C5: variants seen among roughly 807,000 people sequenced by gnomAD.
C5 encodes the protein complement C5, also known as C3 and PZP-like alpha-2-macroglobulin domain-containing protein 4.
A neutral mutation model predicts 218.8 loss-of-function variants in C5; 140 were observed. That is an observed-to-expected ratio of 0.64 (90% confidence interval 0.56 to 0.74). C5 has a LOEUF of 0.74. Among genes scored for constraint, C5 ranks in the 30% least tolerant of loss-of-function variants. The probability of loss-of-function intolerance (pLI) is 0.00; values close to 1 mark genes in which losing one functional copy is unlikely to be tolerated. For missense variants in C5, 1,700 were observed against 1,969.6 expected (o/e 0.86, Z 2.59); for synonymous variants, 614 against 682.3 (o/e 0.90, Z 1.56).
intron 5 of C5, among the ~76,000 whole-genome samples, chr9:121,033,704 C>T (rs1443656532): frequency 1.3e-5 from 2 of 152,196 alleles, no homozygotes; most frequent in African/African-American, 4.8e-5. Context: ...TTAAAACCTC[C>T]AAATTCAATT....
At chr9:120,991,161 G>T in intron 23 of C5, 30 bp downstream of exon 23, 1 of 1,256,322 alleles carries the variant, frequency 8.0e-7, no homozygotes, top group Non-Finnish European at 1.2e-6. Flanking sequence ...CAAGTGAAAT[G>T]AGAAATAAAA....
At chr9:121,034,045 C>T (rs986218412) in intron 5 of C5, among the ~76,000 whole-genome samples, 3 of 151,978 alleles carry the variant, frequency 2.0e-5, no homozygotes, top group Middle Eastern at 3.2e-3. Context: ...CTCAGCCTCC[C>T]GAGTAGCTGG....
At chr9:121,001,841 C>A (rs1360804798) in intron 20 of C5, among the ~76,000 whole-genome samples, 1 of 152,054 alleles carries the variant, frequency 6.6e-6, no homozygotes, top group Non-Finnish European at 1.5e-5. Context: ...TGCCCTTTAG[C>A]CCAGTTAGTT....
chr9:121,055,427 A>G, the C5 span, among the ~76,000 whole-genome samples: 2 of 152,158 alleles, frequency 1.3e-5, no homozygotes, highest in South Asian at 4.2e-4. Flanking sequence ...AGGAGTATGT[A>G]TGTCACTCCT....
chr9:120,963,066 T>C (rs2131670170), intron 34 of C5, 99 bp from the exon 35 acceptor site: 1 of 936,960 alleles, frequency 1.1e-6, no homozygotes, highest in African/African-American at 1.6e-5. Flanking sequence ...GGATGTGATC[T>C]GTAATTCAAA....
chr9:121,056,466 CAAA>C, the C5 span, among the ~76,000 whole-genome samples: 17 of 152,100 alleles, frequency 1.1e-4, no homozygotes, highest in African/African-American at 3.9e-4. Flanking sequence ...ATTACTAAGA[CAAA>C]GAAGTGTATG....
At chr9:120,963,569 T>G in intron 34 of C5, 67 bp downstream of exon 34, 1 of 1,145,682 alleles carries the variant, frequency 8.7e-7, no homozygotes, top group Admixed American at 1.8e-5. Context: ...GAAAGTAAAA[T>G]TGTCTATAAA....
intron 38 of C5, among the ~76,000 whole-genome samples, chr9:120,958,827 C>T (rs932061313): frequency 1.2e-4 from 19 of 152,074 alleles, no homozygotes; most frequent in African/African-American, 4.1e-4. Context: ...GACAGGGTCT[C>T]ACTCTGTCAC....
the C5 span, among the ~76,000 whole-genome samples, chr9:121,067,782 C>T: frequency 6.6e-6 from 1 of 151,942 alleles, no homozygotes; most frequent in Non-Finnish European, 1.5e-5. Flanking sequence ...AATAGTGTGG[C>T]ACTTCCCCTC....
the C5 span, among the ~76,000 whole-genome samples, chr9:121,073,097 C>G: frequency 1.3e-5 from 2 of 152,130 alleles, no homozygotes. Flanking sequence ...AGAGGTGAAG[C>G]CATCTCTGCC....
intron 38 of C5, 96 bp from the exon 39 acceptor site, chr9:120,957,464 G>A (rs1431130412): frequency 1.1e-5 from 10 of 893,552 alleles, no homozygotes; most frequent in Non-Finnish European, 1.9e-5. Flanking sequence ...GAGAAATGAA[G>A]CATGGCAAAC....
At chr9:120,978,665 C>G (rs1264438953) in intron 28 of C5, among the ~76,000 whole-genome samples, 1 of 152,200 alleles carries the variant, frequency 6.6e-6, no homozygotes, top group Non-Finnish European at 1.5e-5. Context: ...GAAGAGGACT[C>G]CAAAGTGCCC....
chr9:120,972,170 AT>A (rs1028627604), intron 30 of C5, among the ~76,000 whole-genome samples, 178 bp from the exon 31 acceptor site: 20 of 152,138 alleles, frequency 1.3e-4, no homozygotes, highest in Non-Finnish European at 2.9e-4. Flanking sequence ...CAAGGCTGGT[AT>A]TTCCCCTTTC....
chr9:121,005,809 G>A (rs983429316), intron 20 of C5, 110 bp downstream of exon 20: 2 of 1,076,686 alleles, frequency 1.9e-6, no homozygotes, highest in African/African-American at 3.1e-5. Flanking sequence ...GGTTTCTATT[G>A]CTGAACTGAG....
At chr9:120,998,675 G>A (rs2047137442) in intron 20 of C5, among the ~76,000 whole-genome samples, 1 of 152,162 alleles carries the variant, frequency 6.6e-6, no homozygotes, top group African/African-American at 2.4e-5. Context: ...TTATTAACTG[G>A]TGATGGAAAC....
chr9:121,073,925 G>A, the C5 span, among the ~76,000 whole-genome samples: 1 of 152,296 alleles, frequency 6.6e-6, no homozygotes, highest in African/African-American at 2.4e-5. Flanking sequence ...GTTTCTAAAA[G>A]TGTTATACAG....
At chr9:120,956,892 G>A in intron 39 of C5, 1 of 281,056 alleles carries the variant, frequency 3.6e-6, no homozygotes, top group Middle Eastern at 1.3e-3. Flanking sequence ...GGTAGAGGGT[G>A]AGGATTGAAA....
chr9:121,048,443 T>A (rs1349495376), intron 1 of C5, among the ~76,000 whole-genome samples: 4 of 152,258 alleles, frequency 2.6e-5, no homozygotes, highest in Non-Finnish European at 5.9e-5. Flanking sequence ...GGATCTAGAT[T>A]GCAAGCTCCT....
In C5 at chr9:120,980,064, T is replaced by C. The variant is rs763643786; in HGVS notation, c.3658+19A>G. ...TCTTAGTGAACACTCACTGAATACA[T>C]GTATGGAACAAGTTATACCTTTAAC... is the stretch of plus-strand genomic sequence containing the variant. On this transcript the variant is annotated intron_variant, in intron 28 of 40. Coordinates refer to ENST00000223642, the MANE Select transcript of C5 (RefSeq NM_001735.3). 1.9e-6 allele frequency: 3 copies of C among 1,611,648 alleles called. No individual in the cohort carries two copies. The highest frequency in any genetic ancestry group is 2.5e-6 in the Non-Finnish European group (3 of 1,177,800).
Sources: allele counts gnomAD v4.1 joint callset (sites outside exome capture counted in the v4.1 genomes callset), GRCh38; gene constraint gnomAD v4.1.1; transcripts MANE v1.5; gene names NCBI Gene and HGNC (gene_info 2026-07-23, HGNC 2026-07-21).